Variants in MEI4 observed in about 807,000 individuals in gnomAD.
MEI4 encodes meiosis-specific protein MEI4.
Under a neutral mutation model 31.4 loss-of-function variants are expected in MEI4, and 27 were observed. That is an observed-to-expected ratio of 0.86 (90% CI 0.63 to 1.19). MEI4 has a LOEUF of 1.19. MEI4 is among the 50% of genes most tolerant of loss of function. The probability of loss-of-function intolerance (pLI) is 0.00; values close to 1 mark genes in which losing one functional copy is unlikely to be tolerated. For synonymous variants in MEI4, 122 were observed against 145.4 expected (o/e 0.84, Z 1.16); for missense variants, 329 against 398.9 (o/e 0.82, Z 1.49).
chr6:77,890,877 C>T (rs1445470210), intron 4 of MEI4, among the ~76,000 whole-genome samples: 1 of 152,140 alleles, frequency 6.6e-6, no homozygotes, highest in Non-Finnish European at 1.5e-5. Context: ...CATCTTCTTC[C>T]TGCTGCCGTG....
At position 77,744,921 on chromosome 6, in the gene MEI4, A is replaced by G. The variant is rs192130494; in HGVS notation, c.233-16209A>G. ...ATGCTTTACAGAGAAGCAAATGCTA[A>G]GAAATTTTGTCACCACCATGCCTGC... is the stretch of plus-strand genomic sequence containing the variant. On this transcript the variant is annotated intron_variant, in intron 2 of 4. Transcript: ENST00000684080. Among the ~76,000 whole-genome samples, 78 of 152,348 alleles carry G rather than the reference A, an allele frequency of 5.1e-4. No homozygotes were observed. In the East Asian group the frequency reaches 9.1e-3, roughly 18 times the overall value.
chr6:77,898,159 C>T (rs1055241048), intron 4 of MEI4, among the ~76,000 whole-genome samples: 6 of 152,010 alleles, frequency 3.9e-5, no homozygotes, highest in African/African-American at 1.4e-4. Context: ...TTGTTAGCTG[C>T]TTTGGTGCTT....
chr6:77,682,099 T>C (rs1331929253), intron 1 of MEI4, among the ~76,000 whole-genome samples: 1 of 152,176 alleles, frequency 6.6e-6, no homozygotes, highest in Admixed American at 6.5e-5. Context: ...ATCTCAAAAG[T>C]CTTGTAATTT....
At chr6:77,882,680 A>C (rs2127729087) in intron 4 of MEI4, among the ~76,000 whole-genome samples, 1 of 152,314 alleles carries the variant, frequency 6.6e-6, no homozygotes, top group Non-Finnish European at 1.5e-5. Flanking sequence ...TGTGTAGTCT[A>C]CCAGGAAGGG....
chr6:77,883,745 A>ATCTATCTATCTAT (rs55947073), intron 4 of MEI4, among the ~76,000 whole-genome samples: 1 of 82,302 alleles, frequency 1.2e-5, no homozygotes, highest in African/African-American at 5.0e-5. Context: ...TATATATATA[A>ATCTATCTATCTAT]CTTTGTCTTT....
At chr6:77,841,348 T>TTTTTTTTTTG (rs1770360439) in intron 4 of MEI4, among the ~76,000 whole-genome samples, 1 of 121,214 alleles carries the variant, frequency 8.2e-6, no homozygotes, top group Non-Finnish European at 1.7e-5. Flanking sequence ...TTTTTTTTTT[T>TTTTTTTTTTG]TTTTTTTTGA....
chr6:77,894,067 G>A (rs1158287612), intron 4 of MEI4, among the ~76,000 whole-genome samples: 1 of 151,988 alleles, frequency 6.6e-6, no homozygotes, highest in Non-Finnish European at 1.5e-5. Flanking sequence ...TTATCTTCAG[G>A]CACCAGAATT....
At chr6:77,788,118 A>C (rs1251495993) in intron 3 of MEI4, among the ~76,000 whole-genome samples, 5 of 152,202 alleles carry the variant, frequency 3.3e-5, no homozygotes, top group Non-Finnish European at 7.3e-5. Context: ...CAATAAATGT[A>C]ATCCAGCATA....
At chr6:77,658,720 T>C (rs952253413) in intron 1 of MEI4, among the ~76,000 whole-genome samples, 2 of 152,050 alleles carry the variant, frequency 1.3e-5, no homozygotes, top group African/African-American at 4.8e-5. Context: ...GATACGGTTT[T>C]GGATGAATTG....
chr6:77,871,854 A>G (rs1039000195), intron 4 of MEI4, among the ~76,000 whole-genome samples: 2 of 152,202 alleles, frequency 1.3e-5, no homozygotes, highest in African/African-American at 4.8e-5. Flanking sequence ...ATAGATGTAC[A>G]AGGACACAAA....
intron 2 of MEI4, among the ~76,000 whole-genome samples, chr6:77,726,847 A>C (rs1367159668): frequency 6.6e-6 from 1 of 152,214 alleles, no homozygotes; most frequent in Admixed American, 6.5e-5. Flanking sequence ...TTATTTAATA[A>C]CTGACTAGCT....
chr6:77,817,654 A>T (rs978879690), intron 3 of MEI4, among the ~76,000 whole-genome samples: 1 of 152,072 alleles, frequency 6.6e-6, no homozygotes, highest in Non-Finnish European at 1.5e-5. Flanking sequence ...TATATTAAAA[A>T]TTATAATTGC....
chr6:77,914,818 T>G (rs1241942503), intron 4 of MEI4, among the ~76,000 whole-genome samples: 1 of 152,156 alleles, frequency 6.6e-6, no homozygotes, highest in Non-Finnish European at 1.5e-5. Context: ...ACTTTTATCA[T>G]ATAGATTGAC....
At position 77,794,708 on chromosome 6, in the gene MEI4, G is replaced by GA. The variant is rs35639379; in HGVS notation, c.768+33053dup. On this transcript the variant is annotated intron_variant, in intron 3 of 4. Transcript: ENST00000684080. ...CAACAATAGATAGACCATCCAGACA[G>GA]AAAAAAAAAATAGGACTTGAATAAC... Among the ~76,000 whole-genome samples, 87 of 148,556 alleles carry GA rather than the reference G, an allele frequency of 5.9e-4. 1 individual carries two copies. Among genetic ancestry groups the GA allele is most frequent in the East Asian group, 2.2e-3 (11 of 5,092 alleles).
At chr6:77,752,183 G>A (rs963585654) in intron 2 of MEI4, among the ~76,000 whole-genome samples, 2 of 152,146 alleles carry the variant, frequency 1.3e-5, no homozygotes, top group African/African-American at 4.8e-5. Context: ...GCAAAAACTA[G>A]AGGCATTCCC....
At chr6:77,920,328 T>C (rs1401071682) in intron 4 of MEI4, among the ~76,000 whole-genome samples, 2 of 152,100 alleles carry the variant, frequency 1.3e-5, no homozygotes, top group Non-Finnish European at 2.9e-5. Flanking sequence ...ATCCGTGGGA[T>C]GCAAGGCTGT....
chr6:77,897,950 A>G lies in MEI4; in HGVS notation c.901-25139A>G, dbSNP rs577772979. On this transcript the variant is annotated intron_variant, in intron 4 of 4. Coordinates refer to ENST00000684080, the MANE Select transcript of MEI4 (RefSeq NM_001322247.2). ...TAGGTTATGGGGAGAGAGAGAGAAT[A>G]TAACACAACCTTTGGAAGAAACATA... Among the ~76,000 whole-genome samples the G allele has an allele frequency of 7.2e-5, 11 of 152,190 alleles. No individual in the cohort carries two copies. In the East Asian group the frequency reaches 2.1e-3, roughly 29 times the overall value.
chr6:77,784,990 C>T (rs561492816), intron 3 of MEI4, among the ~76,000 whole-genome samples: 4 of 152,202 alleles, frequency 2.6e-5, no homozygotes, highest in Admixed American at 1.3e-4. Context: ...AGAAGTTTGC[C>T]GGTATGCCCT....
Position 77,801,290 on chromosome 6 carries a change from A to G in MEI4, c.769-27641A>G, listed in dbSNP as rs542962378. ...CTAGTTTATTTGCATAGAGGTGTTT[A>G]TAGTTTTCTCTGATGGTAGTTTGTA... On this transcript the variant is annotated intron_variant, in intron 3 of 4. Coordinates refer to ENST00000684080, the MANE Select transcript of MEI4 (RefSeq NM_001322247.2). Among the ~76,000 whole-genome samples the G allele has an allele frequency of 5.5e-4, 83 of 152,228 alleles. 1 individual carries two copies. Among genetic ancestry groups the G allele is most frequent in the Non-Finnish European group, 3.2e-4 (22 of 68,000 alleles).
Sources: allele counts gnomAD v4.1 joint callset (sites outside exome capture counted in the v4.1 genomes callset), GRCh38; gene constraint gnomAD v4.1.1; transcripts MANE v1.5; gene names NCBI Gene and HGNC (gene_info 2026-07-23, HGNC 2026-07-21).